Variants in DLGAP4 observed in about 807,000 individuals in gnomAD.
DLGAP4 encodes the protein disks large-associated protein 4.
DLGAP4 carries 18 observed loss-of-function variants against 86.9 expected under a neutral mutation model. That is an observed-to-expected ratio of 0.21 (90% CI 0.14 to 0.31). The LOEUF (loss-of-function observed/expected upper bound fraction) is 0.31, where lower values mean the gene tolerates loss of function less well. Ranked by LOEUF, DLGAP4 falls within the 10% of genes least tolerant of loss-of-function variation. DLGAP4 has a pLI of 1.00. For synonymous variants in DLGAP4, 548 were observed against 574.3 expected (o/e 0.95, Z 0.65); for missense variants, 1,085 against 1,362.6 (o/e 0.80, Z 3.21).
chr20:36,310,180 AAAAGAAAGAAAG>A (rs1161085107), intron 1 of DLGAP4, among the ~76,000 whole-genome samples: 2 of 124,164 alleles, frequency 1.6e-5, no homozygotes, highest in African/African-American at 7.3e-5. Context: ...CAAAAAAAAA[AAAAGAAAGAAAG>A]AAAGAAAGAA....
intron 7 of DLGAP4, among the ~76,000 whole-genome samples, chr20:36,479,497 T>C (rs1413813445): frequency 6.6e-6 from 1 of 152,042 alleles, no homozygotes; most frequent in Non-Finnish European, 1.5e-5. Context: ...GGGCCTGTGG[T>C]GTGCCTGAAT....
intron 1 of DLGAP4, among the ~76,000 whole-genome samples, chr20:36,316,464 T>G: frequency 6.6e-6 from 1 of 152,282 alleles, no homozygotes; most frequent in East Asian, 1.9e-4. Flanking sequence ...TTGGTAACTC[T>G]GATTTGTTAC....
chr20:36,382,519 C>CTTT (rs1167291519), intron 2 of DLGAP4, among the ~76,000 whole-genome samples: 1 of 140,550 alleles, frequency 7.1e-6, no homozygotes, highest in Non-Finnish European at 1.5e-5. Flanking sequence ...TTCTTTCTTT[C>CTTT]TTTTTTTCTT....
intron 2 of DLGAP4, among the ~76,000 whole-genome samples, chr20:36,415,918 CT>C (rs2032640826): frequency 6.6e-6 from 1 of 152,142 alleles, no homozygotes; most frequent in Non-Finnish European, 1.5e-5. Flanking sequence ...TCAACTCAGA[CT>C]TTTCCTAGGT....
At chr20:36,397,524 T>G (rs1179219392) in intron 2 of DLGAP4, among the ~76,000 whole-genome samples, 1 of 152,112 alleles carries the variant, frequency 6.6e-6, no homozygotes, top group African/African-American at 2.4e-5. Context: ...TTTTCTAACT[T>G]TTGGAGTTGT....
At chr20:36,377,372 T>G (rs1448666175) in intron 2 of DLGAP4, among the ~76,000 whole-genome samples, 1 of 152,196 alleles carries the variant, frequency 6.6e-6, no homozygotes, top group African/African-American at 2.4e-5. Context: ...CTTCCTTCTC[T>G]GAACCTTGGT....
chr20:36,315,497 T>A (rs1384597812), intron 1 of DLGAP4, among the ~76,000 whole-genome samples: 1 of 143,794 alleles, frequency 7.0e-6, no homozygotes, highest in Non-Finnish European at 1.5e-5. Flanking sequence ...CTTGGAGCCA[T>A]GAAGCAGCCT....
intron 7 of DLGAP4, among the ~76,000 whole-genome samples, chr20:36,489,387 T>G (rs1306499804): frequency 6.6e-6 from 1 of 152,224 alleles, no homozygotes; most frequent in South Asian, 2.1e-4. Context: ...CATCATAGCT[T>G]CTGTACCAGG....
intron 7 of DLGAP4, among the ~76,000 whole-genome samples, chr20:36,486,957 T>C (rs1056891081): frequency 3.9e-5 from 6 of 152,128 alleles, no homozygotes; most frequent in Admixed American, 3.9e-4. Flanking sequence ...GGAGAAGCAA[T>C]CCAGTTTGAG....
chr20:36,524,218 A>AAATC (rs748372183), intron 10 of DLGAP4, 32 bp from the exon 11 acceptor site: 2 of 1,580,610 alleles, frequency 1.3e-6, no homozygotes, highest in East Asian at 4.5e-5. Context: ...GTGCTGTGCT[A>AAATC]AATCAGTCTT....
At position 36,527,954 on chromosome 20, in the gene DLGAP4, C is replaced by T. The variant is rs1345757314; in HGVS notation, c.*923C>T. ...ATGTATGTGTACATATGCACATAGA[C>T]CTTAGAGTGTATAGTTAACAAACGC... On this transcript the variant is annotated 3_prime_UTR_variant, in exon 13 of 13. Coordinates refer to ENST00000339266, the MANE Select transcript of DLGAP4 (RefSeq NM_001365621.2). 6.6e-6 allele frequency: 1 copy of T among 152,564 alleles called. No individual in the cohort carries two copies. The highest frequency in any genetic ancestry group is 1.5e-5 in the Non-Finnish European group (1 of 68,010). The allele number at this position is 152,564 out of a possible 1,614,324, so 9.5% of individuals were successfully genotyped here.
intron 1 of DLGAP4, among the ~76,000 whole-genome samples, chr20:36,363,197 G>C (rs1277005164): frequency 6.6e-6 from 1 of 152,182 alleles, no homozygotes; most frequent in African/African-American, 2.4e-5. Flanking sequence ...TGGTATATTT[G>C]AGGAACAGCC....
chr20:36,454,367 C>T (rs1049622671), intron 7 of DLGAP4, among the ~76,000 whole-genome samples: 3 of 152,056 alleles, frequency 2.0e-5, no homozygotes. Context: ...CCTTTACTTC[C>T]ATTTGCCAGA....
intron 1 of DLGAP4, among the ~76,000 whole-genome samples, chr20:36,362,563 A>T (rs1344754480): frequency 6.6e-6 from 1 of 152,188 alleles, no homozygotes; most frequent in East Asian, 1.9e-4. Context: ...AAGGAGGGAA[A>T]ACCCAGAGCT....
At chr20:36,499,349 A>AAACCCCCCCCCCCC in intron 8 of DLGAP4, 2 of 1,590,154 alleles carry the variant, frequency 1.3e-6, no homozygotes, top group Non-Finnish European at 8.6e-7. Flanking sequence ...TCTCCACCCC[A>AAACCCCCCCCCCCC]TCCCACCTCC....
intron 7 of DLGAP4, among the ~76,000 whole-genome samples, chr20:36,469,934 A>G (rs1033175476): frequency 4.6e-5 from 7 of 151,928 alleles, no homozygotes; most frequent in Admixed American, 6.6e-5. Flanking sequence ...ATTTGATTAC[A>G]CTCTGCACAG....
intron 7 of DLGAP4, among the ~76,000 whole-genome samples, chr20:36,487,273 C>T (rs985895039): frequency 6.6e-6 from 1 of 152,160 alleles, no homozygotes; most frequent in Non-Finnish European, 1.5e-5. Context: ...CTTGGCACTC[C>T]CTGGCACAGC....
chr20:36,482,640 T>C (rs970667198), intron 7 of DLGAP4, among the ~76,000 whole-genome samples: 2 of 152,270 alleles, frequency 1.3e-5, no homozygotes, highest in African/African-American at 2.4e-5. Context: ...TCCTGCTTAC[T>C]AGCACCTGCT....
chr20:36,416,956 G>A (rs1301871615), intron 2 of DLGAP4, among the ~76,000 whole-genome samples: 1 of 152,150 alleles, frequency 6.6e-6, no homozygotes, highest in African/African-American at 2.4e-5. Flanking sequence ...CACCTACTAG[G>A]TGCCAACTCT....
Sources: gnomAD v4.1 joint callset for allele counts (sites outside exome capture counted in the v4.1 genomes callset) on GRCh38, gnomAD v4.1.1 for gene constraint, MANE v1.5 for transcripts, NCBI Gene and HGNC (gene_info 2026-07-23, HGNC 2026-07-21) for gene names.